Variants in GPC3 observed in about 807,000 individuals in gnomAD.
GPC3 encodes the protein glypican-3.
Under a neutral mutation model 34.4 loss-of-function variants are expected in GPC3, and 3 were observed. That is an observed-to-expected ratio of 0.09 (90% CI 0.04 to 0.23). The LOEUF is 0.23. GPC3 is among the 10% of genes least tolerant of loss of function. GPC3 has a pLI of 1.00. For missense variants in GPC3, 351 were observed against 445.6 expected, an observed-to-expected ratio of 0.79 and a Z score of 1.91; for synonymous variants, 177 against 174.0, an observed-to-expected ratio of 1.02 and a Z score of -0.13.
chrX:133,761,773 CCCA>C (rs1272270380), intron 2 of GPC3, among the ~76,000 whole-genome samples: 10 of 111,796 alleles, frequency 8.9e-5, no homozygotes, highest in Admixed American at 8.6e-4. Flanking sequence ...TTCTCGTTTA[CCCA>C]CCATTAGCTT....
chrX:133,793,182 A>G (rs1056580874), intron 2 of GPC3, among the ~76,000 whole-genome samples: 1 of 111,911 alleles, frequency 8.9e-6, no homozygotes, highest in Non-Finnish European at 1.9e-5. Flanking sequence ...AATGCATTTT[A>G]ATTAAAACGC....
chrX:133,624,368 G>C (rs1386148379), intron 6 of GPC3, among the ~76,000 whole-genome samples: 4 of 111,503 alleles, frequency 3.6e-5, no homozygotes, highest in Non-Finnish European at 7.5e-5. Context: ...ATGAATCCAA[G>C]GTGCTGGTTT....
intron 3 of GPC3, among the ~76,000 whole-genome samples, chrX:133,752,742 C>A (rs2071678419): frequency 8.9e-6 from 1 of 112,209 alleles, no homozygotes; most frequent in African/African-American, 3.2e-5. Flanking sequence ...CTGATATAAT[C>A]AAGGCTATAA....
chrX:133,662,576 C>T (rs1486390540), intron 5 of GPC3, among the ~76,000 whole-genome samples: 1 of 112,363 alleles, frequency 8.9e-6, no homozygotes, highest in Non-Finnish European at 1.9e-5. Flanking sequence ...TTCTGCCTTC[C>T]AGTGTGGGGT....
intron 6 of GPC3, among the ~76,000 whole-genome samples, chrX:133,654,407 G>T (rs1284020883): frequency 9.0e-6 from 1 of 111,018 alleles, no homozygotes; most frequent in African/African-American, 3.3e-5. Flanking sequence ...ATGAGCATTT[G>T]TAACTGTTTA....
intron 5 of GPC3, among the ~76,000 whole-genome samples, chrX:133,675,485 G>A (rs968555939): frequency 9.0e-6 from 1 of 111,331 alleles, no homozygotes; most frequent in Non-Finnish European, 1.9e-5. Context: ...TCTGTCCTGG[G>A]GCTCTTGTCT....
chrX:133,724,218 C>T (rs2071391158), intron 3 of GPC3, among the ~76,000 whole-genome samples: 1 of 111,996 alleles, frequency 8.9e-6, no homozygotes, highest in Non-Finnish European at 1.9e-5. Flanking sequence ...AAGCCTAATG[C>T]GTTTGCTCGC....
At chrX:133,636,875 AACTT>A in intron 6 of GPC3, among the ~76,000 whole-genome samples, 1 of 110,547 alleles carries the variant, frequency 9.0e-6, no homozygotes, top group East Asian at 2.9e-4. Flanking sequence ...CTCTCTGAAA[AACTT>A]ACTTCTAAAT....
chrX:133,696,431 G>A (rs1041238387), intron 4 of GPC3, among the ~76,000 whole-genome samples: 6 of 112,014 alleles, frequency 5.4e-5, no homozygotes, highest in Non-Finnish European at 9.4e-5. Flanking sequence ...TTCTAAACTT[G>A]TTCCAGCACA....
chrX:133,914,295 C>T (rs976149546), intron 2 of GPC3, among the ~76,000 whole-genome samples: 2 of 111,049 alleles, frequency 1.8e-5, no homozygotes, highest in African/African-American at 6.6e-5. Flanking sequence ...GTGCCCTTTA[C>T]ATGAATTGTC....
chrX:133,627,219 C>T (rs1423162015), intron 6 of GPC3, among the ~76,000 whole-genome samples: 7 of 104,856 alleles, frequency 6.7e-5, no homozygotes, highest in Admixed American at 5.2e-4. Context: ...ATGTAAATGA[C>T]GAGTCAATGG....
intron 7 of GPC3, among the ~76,000 whole-genome samples, chrX:133,550,331 C>T (rs2069423830): frequency 2.7e-5 from 3 of 111,254 alleles, no homozygotes; most frequent in Admixed American, 1.9e-4. Context: ...TTGTATCTTT[C>T]AAGCCTCAAC....
intron 2 of GPC3, among the ~76,000 whole-genome samples, chrX:133,928,355 T>C (rs748233429): frequency 8.9e-6 from 1 of 112,087 alleles, no homozygotes; most frequent in Non-Finnish European, 1.9e-5. Context: ...ATCTTGGCTA[T>C]TGTGAATAAT....
rs1603240710 is a variant in GPC3 at position 133,753,994 on chromosome X, G to C, written c.520C>G (p.Leu174Val). Reference protein sequence around the residue: ...DDMVNELFDSLFPVIYTQLMN... With the variant: ...DDMVNELFDSVFPVIYTQLMN... ...AGCTGGGTATAGATGACTGGAAACA[G>C]GCTGTCAAACAATTCATTGACCATG... is the stretch of plus-strand genomic sequence containing the variant. Residue 174 changes from leucine (L) to valine (V), a missense_variant, in exon 3 of 8, where the codon CTG becomes GTG. By Grantham distance (32) the Leu-to-Val change is conservative. Coordinates refer to ENST00000370818, the MANE Select transcript of GPC3 (RefSeq NM_004484.4). 8.3e-7 allele frequency: 1 copy of C among 1,211,028 alleles called. No homozygotes were observed. The highest frequency in any genetic ancestry group is 1.8e-5 in the South Asian group (1 of 56,964).
chrX:133,865,012 C>T (rs377516404), intron 2 of GPC3, among the ~76,000 whole-genome samples: 6 of 112,341 alleles, frequency 5.3e-5, no homozygotes, highest in South Asian at 3.7e-4. Flanking sequence ...CTTAGACACT[C>T]GTACTTTAAA....
At chrX:133,981,119 A>C (rs1466419010) in intron 1 of GPC3, among the ~76,000 whole-genome samples, 1 of 112,544 alleles carries the variant, frequency 8.9e-6, no homozygotes, top group Non-Finnish European at 1.9e-5. Flanking sequence ...CCCTATTAAG[A>C]GACTTCTCCC....
chrX:133,629,630 G>A (rs1569400672), intron 6 of GPC3, among the ~76,000 whole-genome samples: 1 of 108,504 alleles, frequency 9.2e-6, no homozygotes, highest in African/African-American at 3.3e-5. Context: ...TCCTGACCTC[G>A]TGATCTGCCT....
chrX:133,824,381 G>A (rs1166203110), intron 2 of GPC3, among the ~76,000 whole-genome samples: 1 of 111,541 alleles, frequency 9.0e-6, no homozygotes, highest in Non-Finnish European at 1.9e-5. Flanking sequence ...ACAGAGTAAA[G>A]AATTGACATC....
intron 2 of GPC3, among the ~76,000 whole-genome samples, chrX:133,858,611 C>A (rs1052354458): frequency 8.9e-6 from 1 of 111,841 alleles, no homozygotes; most frequent in Non-Finnish European, 1.9e-5. Flanking sequence ...ATACTAGACA[C>A]TACTGTCAGT....
Sources: allele counts gnomAD v4.1 joint callset (sites outside exome capture counted in the v4.1 genomes callset), GRCh38; gene constraint gnomAD v4.1.1; transcripts MANE v1.5; gene names NCBI Gene and HGNC (gene_info 2026-07-23, HGNC 2026-07-21).